Variants in CHST8 observed in about 807,000 individuals in gnomAD.
CHST8 encodes the protein GALNAC-4-ST1.
CHST8 carries 10 observed loss-of-function variants against 15.0 expected under a neutral mutation model. The ratio of observed to expected loss-of-function variants is 0.67; its 90% CI spans 0.41 to 1.13. The LOEUF (loss-of-function observed/expected upper bound fraction) is 1.13. CHST8 is among the 50% of genes most tolerant of loss of function. The pLI, the probability that CHST8 is intolerant of heterozygous loss-of-function variation, is 0.00. For missense variants in CHST8, 634 were observed against 608.2 expected (o/e 1.04, Z -0.45); for synonymous variants, 259 against 256.6 (o/e 1.01, Z -0.09).
intron 2 of CHST8, among the ~76,000 whole-genome samples, chr19:33,669,486 T>C (rs1411052653): frequency 6.6e-6 from 1 of 152,228 alleles, no homozygotes; most frequent in African/African-American, 2.4e-5. Context: ...GTGAAATTTA[T>C]TCTAAAACCT....
intron 3 of CHST8, among the ~76,000 whole-genome samples, chr19:33,696,314 A>G (rs948201039): frequency 6.6e-6 from 1 of 151,906 alleles, no homozygotes; most frequent in African/African-American, 2.4e-5. Flanking sequence ...TGGTTTTTTA[A>G]GGCAGGGGTC....
chr19:33,637,313 G>T (rs546554713), intron 1 of CHST8, among the ~76,000 whole-genome samples: 2 of 152,180 alleles, frequency 1.3e-5, no homozygotes, highest in African/African-American at 4.8e-5. Flanking sequence ...ATTTTACCCA[G>T]CCCCTATTCA....
intron 3 of CHST8, among the ~76,000 whole-genome samples, chr19:33,700,935 G>A (rs897531762): frequency 6.6e-6 from 1 of 152,204 alleles, no homozygotes; most frequent in African/African-American, 2.4e-5. Context: ...TCCTTGCGTG[G>A]TGATTGCCCA....
chr19:33,666,443 C>A (rs1227124216), intron 1 of CHST8, among the ~76,000 whole-genome samples: 1 of 152,136 alleles, frequency 6.6e-6, no homozygotes, highest in Non-Finnish European at 1.5e-5. Context: ...GGAGGCAGAG[C>A]TCACGGATCC....
chr19:33,628,395 C>T (rs553031677), intron 1 of CHST8, among the ~76,000 whole-genome samples: 4 of 152,286 alleles, frequency 2.6e-5, no homozygotes, highest in Middle Eastern at 3.4e-3. Context: ...GGAAGACCAG[C>T]GAGGCTGGAG....
At chr19:33,635,039 C>T (rs1390810118) in intron 1 of CHST8, among the ~76,000 whole-genome samples, 1 of 152,174 alleles carries the variant, frequency 6.6e-6, no homozygotes, top group Non-Finnish European at 1.5e-5. Flanking sequence ...GCGACCTCCT[C>T]CCTGATGATG....
chr19:33,765,643 C>A (rs935274692), intron 3 of CHST8, among the ~76,000 whole-genome samples: 3 of 151,842 alleles, frequency 2.0e-5, no homozygotes, highest in East Asian at 3.9e-4. Context: ...CTCACTGCAA[C>A]CTCCACCTCC....
At chr19:33,701,830 CTT>C (rs1367274230) in intron 3 of CHST8, among the ~76,000 whole-genome samples, 1 of 152,218 alleles carries the variant, frequency 6.6e-6, no homozygotes, top group Non-Finnish European at 1.5e-5. Flanking sequence ...TCAACTGAAA[CTT>C]AGGGAGATTC....
At chr19:33,751,122 C>A (rs984117066) in intron 3 of CHST8, among the ~76,000 whole-genome samples, 1 of 152,176 alleles carries the variant, frequency 6.6e-6, no homozygotes, top group Non-Finnish European at 1.5e-5. Flanking sequence ...AAGTCATTAA[C>A]GTGGCCAAAA....
chr19:33,656,694 A>G (rs946194707), intron 1 of CHST8, among the ~76,000 whole-genome samples: 1 of 151,792 alleles, frequency 6.6e-6, no homozygotes, highest in African/African-American at 2.4e-5. Context: ...ACACCACCAC[A>G]CCGGGCTAAT....
intron 3 of CHST8, among the ~76,000 whole-genome samples, chr19:33,713,981 C>G (rs1973609742): frequency 6.6e-6 from 1 of 152,082 alleles, no homozygotes; most frequent in Admixed American, 6.5e-5. Context: ...TCTACCTGCA[C>G]CAGGAGGGGC....
At chr19:33,725,099 TGTGC>T (rs1166298012) in intron 3 of CHST8, among the ~76,000 whole-genome samples, 1 of 151,960 alleles carries the variant, frequency 6.6e-6, no homozygotes, top group Admixed American at 6.5e-5. Context: ...GGGACATGAG[TGTGC>T]GTGCACAGAG....
intron 3 of CHST8, among the ~76,000 whole-genome samples, chr19:33,744,935 T>TG (rs1974283780): frequency 6.6e-6 from 1 of 152,020 alleles, no homozygotes; most frequent in African/African-American, 2.4e-5. Context: ...TTTTAGTAGA[T>TG]ATGGGGTTTC....
At chr19:33,701,687 T>C (rs1973339584) in intron 3 of CHST8, among the ~76,000 whole-genome samples, 2 of 152,320 alleles carry the variant, frequency 1.3e-5, no homozygotes, top group African/African-American at 2.4e-5. Flanking sequence ...TGTATGATGG[T>C]AATTTATAAA....
intron 1 of CHST8, among the ~76,000 whole-genome samples, chr19:33,634,909 C>T (rs1240417369): frequency 6.6e-6 from 1 of 151,964 alleles, no homozygotes; most frequent in Non-Finnish European, 1.5e-5. Context: ...GGGGGGTGTC[C>T]CATGTCTGAA....
intron 2 of CHST8, among the ~76,000 whole-genome samples, chr19:33,669,384 T>C (rs1483906717): frequency 2.0e-5 from 3 of 152,248 alleles, no homozygotes; most frequent in African/African-American, 7.2e-5. Context: ...ATTGCAAAGA[T>C]GGCGACGTGC....
chr19:33,695,821 C>CTTTTTTT (rs55695414), intron 3 of CHST8, among the ~76,000 whole-genome samples: 22 of 76,236 alleles, frequency 2.9e-4, no homozygotes, highest in East Asian at 7.9e-4. Flanking sequence ...TTCTTTCTTT[C>CTTTTTTT]TTTTTTTTTT....
intron 1 of CHST8, among the ~76,000 whole-genome samples, chr19:33,627,110 G>C (rs1248280602): frequency 1.1e-5 from 1 of 92,756 alleles, no homozygotes; most frequent in Non-Finnish European, 2.2e-5. Context: ...GGGGGGGGGC[G>C]GGTGGGGTGA....
intron 1 of CHST8, among the ~76,000 whole-genome samples, chr19:33,659,765 C>T (rs1972562043): frequency 1.3e-5 from 2 of 151,974 alleles, no homozygotes; most frequent in African/African-American, 4.8e-5. Context: ...GAGCTGTGAT[C>T]GCACCCCTGC....
Sources: allele counts gnomAD v4.1 joint callset (sites outside exome capture counted in the v4.1 genomes callset), GRCh38; gene constraint gnomAD v4.1.1; transcripts MANE v1.5; gene names NCBI Gene and HGNC (gene_info 2026-07-23, HGNC 2026-07-21).